Variants in RAB3GAP1 observed in about 807,000 individuals in gnomAD.
RAB3GAP1 encodes RAB3 GTPase activating protein catalytic subunit 1, also known as rab3 GTPase-activating protein catalytic subunit.
A neutral mutation model predicts 130.7 loss-of-function variants in RAB3GAP1; 86 were observed. That is an observed-to-expected ratio of 0.66 (90% CI 0.55 to 0.79). RAB3GAP1 has a LOEUF of 0.79. RAB3GAP1 is among the 30% of genes least tolerant of loss of function. The pLI, the probability that RAB3GAP1 is intolerant of heterozygous loss-of-function variation, is 0.00. For synonymous variants in RAB3GAP1, 367 were observed against 401.7 expected (o/e 0.91, Z 1.03); for missense variants, 1,029 against 1,169.4 (o/e 0.88, Z 1.75).
chr2:135,144,528 T>G (rs1408115123), intron 17 of RAB3GAP1, among the ~76,000 whole-genome samples: 1 of 152,224 alleles, frequency 6.6e-6, no homozygotes, highest in Admixed American at 6.5e-5. Context: ...GAGGAAAGCA[T>G]GCCAAGTAGG....
At chr2:135,089,467 TC>T (rs1242797825) in intron 3 of RAB3GAP1, among the ~76,000 whole-genome samples, 1 of 150,988 alleles carries the variant, frequency 6.6e-6, no homozygotes, top group East Asian at 1.9e-4. Context: ...ATCTATAAAT[TC>T]CTTTGGGCAG....
chr2:135,169,763 C>T lies in RAB3GAP1; in HGVS notation c.*982C>T, dbSNP rs1427543509. 2.2e-6 allele frequency: 1 copy of T among 455,486 alleles called. No homozygotes were observed. The highest frequency in any genetic ancestry group is 4.4e-6 in the Non-Finnish European group (1 of 226,428). The allele number at this position is 455,486 out of a possible 1,614,324, so 28.2% of individuals were successfully genotyped here. On this transcript the variant is annotated 3_prime_UTR_variant, in exon 24 of 24. Coordinates refer to ENST00000264158, the MANE Select transcript of RAB3GAP1 (RefSeq NM_012233.3). The stretch of plus-strand genomic sequence containing the variant: ...AATAATCGATGGGGATGTGTAGCCC[C>T]CCCGTGTGAGGATGACATCACCACA...
intron 5 of RAB3GAP1, among the ~76,000 whole-genome samples, chr2:135,096,996 C>T (rs1261979873): frequency 6.6e-6 from 1 of 151,902 alleles, no homozygotes; most frequent in East Asian, 1.9e-4. Context: ...TTTTTGTAAC[C>T]TTTCCATTTA....
chr2:135,168,575 T>G lies in RAB3GAP1; in HGVS notation c.2740T>G (p.Leu914Val). 1 of 1,614,132 alleles carries G rather than the reference T, an allele frequency of 6.2e-7. No individual in the cohort carries two copies. The highest frequency in any genetic ancestry group is 8.5e-7 in the Non-Finnish European group (1 of 1,180,022). ...AGCTATGACTCCACCAGAGGAGGAA[T>G]TGAAGAGAATGGGCTCCCCAGAGGA... Reference protein sequence around the residue: ...AAAMTPPEEELKRMGSPEERR... With the variant: ...AAAMTPPEEEVKRMGSPEERR... Residue 914 changes from leucine (L) to valine (V), a missense_variant, in exon 24 of 24, where the codon TTG becomes GTG. This residue lies in a region of RAB3GAP1 where 146 missense variants were observed against 143.7 expected (regional missense o/e 1.02). Transcript: ENST00000264158.
intron 3 of RAB3GAP1, among the ~76,000 whole-genome samples, chr2:135,075,910 CT>C (rs996535280): frequency 0.047 from 5,928 of 126,650 alleles, 86 homozygotes; most frequent in African/African-American, 0.08. Flanking sequence ...TAACAGATTT[CT>C]TTTTTTTTTT....
chr2:135,095,328 G>A (rs1256932434), intron 5 of RAB3GAP1, among the ~76,000 whole-genome samples: 3 of 152,192 alleles, frequency 2.0e-5, no homozygotes, highest in Non-Finnish European at 2.9e-5. Context: ...GATTATAGGC[G>A]TGAGCCACCG....
chr2:135,054,475 TATTTC>T (rs1688957360), intron 2 of RAB3GAP1, among the ~76,000 whole-genome samples: 1 of 152,204 alleles, frequency 6.6e-6, no homozygotes, highest in Non-Finnish European at 1.5e-5. Context: ...GATTGTAACA[TATTTC>T]AGAGAAGATT....
At chr2:135,125,280 G>A (rs1309650049) in intron 9 of RAB3GAP1, among the ~76,000 whole-genome samples, 1 of 152,172 alleles carries the variant, frequency 6.6e-6, no homozygotes, top group Non-Finnish European at 1.5e-5. Flanking sequence ...TGTCCATGTT[G>A]TAGCATGAAT....
chr2:135,055,337 C>T (rs1272725228), intron 2 of RAB3GAP1, among the ~76,000 whole-genome samples: 1 of 152,172 alleles, frequency 6.6e-6, no homozygotes, highest in East Asian at 1.9e-4. Flanking sequence ...AAGTCCAAGT[C>T]TCTTAGCTAG....
chr2:135,058,236 A>G (rs12104439), intron 3 of RAB3GAP1, 150 bp downstream of exon 3: 2 of 700,918 alleles, frequency 2.9e-6, no homozygotes, highest in African/African-American at 3.6e-5. Context: ...AAGAATTTGG[A>G]TTTAAATCTG....
chr2:135,146,025 C>G (rs1558798540), intron 17 of RAB3GAP1, among the ~76,000 whole-genome samples: 1 of 152,038 alleles, frequency 6.6e-6, no homozygotes, highest in Non-Finnish European at 1.5e-5. Context: ...TCTTTATTTA[C>G]CAGGCATAAT....
At chr2:135,085,006 A>G (rs184118757) in intron 3 of RAB3GAP1, among the ~76,000 whole-genome samples, 24 of 152,350 alleles carry the variant, frequency 1.6e-4, no homozygotes, top group Admixed American at 1.5e-3. Context: ...GAGCAGTAGG[A>G]ATAGCCTATG....
chr2:135,165,038 T>A (rs985365564), intron 23 of RAB3GAP1: 4 of 420,450 alleles, frequency 9.5e-6, no homozygotes, highest in Non-Finnish European at 1.9e-5. Context: ...CAAATGAGAA[T>A]GGAGTTCAGT....
At chr2:135,097,344 T>TA (rs1446660035) in intron 5 of RAB3GAP1, among the ~76,000 whole-genome samples, 1 of 151,844 alleles carries the variant, frequency 6.6e-6, no homozygotes, top group African/African-American at 2.4e-5. Flanking sequence ...GCCCCTTGAG[T>TA]ATCTAGAACT....
chr2:135,069,568 C>G (rs1689412006), intron 3 of RAB3GAP1, among the ~76,000 whole-genome samples: 1 of 152,020 alleles, frequency 6.6e-6, no homozygotes, highest in South Asian at 2.1e-4. Context: ...TTGCATTTTT[C>G]CATAGAACAG....
rs1692774872 is a variant in RAB3GAP1 at position 135,169,387 on chromosome 2, T to C, written c.*606T>C. On this transcript the variant is annotated 3_prime_UTR_variant, in exon 24 of 24. Coordinates refer to ENST00000264158, the MANE Select transcript of RAB3GAP1 (RefSeq NM_012233.3). ...AATTTCACATAGTTTCTCTTTTTCA[T>C]GTAACTGTAACCTAAATGTATTACT... The C allele has an allele frequency of 2.3e-5, 4 of 176,896 alleles. No individual in the cohort carries two copies. The South Asian group carries it at 5.1e-4, about 23-fold the overall frequency. The allele number at this position is 176,896 out of a possible 1,614,324, so 11.0% of individuals were successfully genotyped here. A position where few individuals can be genotyped will look rare whatever the true frequency, so the allele number is the denominator to read the frequency against.
chr2:135,104,253 A>G (rs1690529214), intron 5 of RAB3GAP1, among the ~76,000 whole-genome samples: 1 of 152,226 alleles, frequency 6.6e-6, no homozygotes, highest in African/African-American at 2.4e-5. Context: ...GTTATGAAAT[A>G]CAAACAAATT....
chr2:135,112,547 C>T (rs552610232), intron 5 of RAB3GAP1, among the ~76,000 whole-genome samples: 26 of 152,164 alleles, frequency 1.7e-4, no homozygotes, highest in African/African-American at 4.3e-4. Context: ...AGCAGCAGGC[C>T]GAGGCATCAG....
chr2:135,132,306 A>G (rs779026603), intron 13 of RAB3GAP1, among the ~76,000 whole-genome samples: 1 of 152,218 alleles, frequency 6.6e-6, no homozygotes, highest in Non-Finnish European at 1.5e-5. Flanking sequence ...CTCAGTTGTC[A>G]TGTACACTGG....
Sources: gnomAD v4.1 joint callset for allele counts (sites outside exome capture counted in the v4.1 genomes callset) on GRCh38, gnomAD v4.1.1 for gene constraint, gnomAD v4.1.1 regional missense constraint, MANE v1.5 for transcripts, NCBI Gene and HGNC (gene_info 2026-07-23, HGNC 2026-07-21) for gene names.